Variants in DCHS2 observed in about 807,000 individuals in gnomAD.
DCHS2 encodes the protein protocadherin-23.
DCHS2 carries 142 observed loss-of-function variants against 182.4 expected under a neutral mutation model. The observed-to-expected ratio is 0.78, with a 90% CI of 0.68 to 0.89. The LOEUF is 0.89. Ranked by LOEUF, DCHS2 falls within the 40% of genes least tolerant of loss-of-function variation. DCHS2 has a pLI of 0.00. For synonymous variants in DCHS2, 1,740 were observed against 1,663.3 expected, an observed-to-expected ratio of 1.05 and a Z score of -1.12; for missense variants, 4,319 against 4,198.6, an observed-to-expected ratio of 1.03 and a Z score of -0.79.
chr4:154,437,503 C>T (rs544668252), intron 1 of DCHS2, among the ~76,000 whole-genome samples: 2 of 152,100 alleles, frequency 1.3e-5, no homozygotes, highest in Admixed American at 6.6e-5. Context: ...AAACAAAGAC[C>T]TTTGCTTATT....
Position 154,274,516 on chromosome 4 carries a change from A to G in DCHS2, c.6464-4503T>C, listed in dbSNP as rs186254356. Among the ~76,000 whole-genome samples the G allele has an allele frequency of 8.9e-4, 135 of 152,240 alleles. 5 individuals carry two copies. In the East Asian group the frequency reaches 0.024, roughly 27 times the overall value. ...TCCATGACAGCAGAGGAGATTTTCT[A>G]TATATTTGTATTGTATATGTTTTAT... On this transcript the variant is annotated intron_variant, in intron 13 of 19. Transcript: ENST00000357232.
chr4:154,387,705 C>T (rs1731483417), intron 1 of DCHS2, among the ~76,000 whole-genome samples: 1 of 152,010 alleles, frequency 6.6e-6, no homozygotes, highest in Non-Finnish European at 1.5e-5. Context: ...TACATAAAGG[C>T]TTAAACTCCA....
At position 154,304,869 on chromosome 4, in the gene DCHS2, C is replaced by T. The variant is rs28622098; in HGVS notation, c.5405G>A (p.Arg1802Gln). ...GGACAATGAAGGGAATCCCCCATCT[C>T]GTACTAGTACTGACACAGAACACAA... is the stretch of plus-strand genomic sequence containing the variant. The part of the protein sequence containing the change: ...QEVFTLRVLV[R>Q]DGGFPSLSST... The change falls in exon 12 of 20, where the codon CGA (arginine) becomes CAA (glutamine). Residue 1802 changes from arginine (R) to glutamine (Q), a missense_variant. By Grantham distance (43) the Arg-to-Gln change is conservative. Transcript: ENST00000357232. 4.2e-4 allele frequency: 672 copies of T among 1,608,874 alleles called. No individual in the cohort carries two copies. In the African/African-American group the frequency reaches 7.5e-3, roughly 18 times the overall value.
rs774154614 is a variant in DCHS2 at position 154,315,870 on chromosome 4, G to T, written c.5138C>A (p.Thr1713Asn). The T allele has an allele frequency of 6.2e-7, 1 of 1,613,994 alleles. No individual in the cohort carries two copies. Among genetic ancestry groups the T allele is most frequent in the Non-Finnish European group, 8.5e-7 (1 of 1,179,966 alleles). ...ALSSSQTLTV[T>N]VLDVNDEAPV... The stretch of plus-strand genomic sequence containing the variant: ...AGCTTCATCATTTACATCAAGAACA[G>T]TAACTGTCAAAGTCTGGGATGAAGA... Residue 1713 changes from threonine (T) to asparagine (N), a missense_variant, in exon 10 of 20, where the codon ACT (threonine) becomes AAT (asparagine). Physicochemically the swap from Thr to Asn is moderately conservative, Grantham distance 65 (BLOSUM62 0). Transcript: ENST00000357232.
intron 3 of DCHS2, among the ~76,000 whole-genome samples, chr4:154,341,197 T>C (rs1431827862): frequency 3.3e-5 from 5 of 151,844 alleles, no homozygotes; most frequent in Non-Finnish European, 5.9e-5. Context: ...TGAAACTCCG[T>C]CTCTCCTAAA....
intron 1 of DCHS2, among the ~76,000 whole-genome samples, chr4:154,401,844 A>C (rs2110873276): frequency 6.6e-6 from 1 of 152,202 alleles, no homozygotes; most frequent in East Asian, 1.9e-4. Context: ...AATACAAAAA[A>C]TTATTCTGGC....
Position 154,329,645 on chromosome 4 carries a change from C to G in DCHS2, c.3796G>C (p.Val1266Leu). 1 of 1,612,500 alleles carries G rather than the reference C, an allele frequency of 6.2e-7. No homozygotes were observed. The highest frequency in any genetic ancestry group is 8.5e-7 in the Non-Finnish European group (1 of 1,179,852). Residue 1266 changes from valine (V) to leucine (L), a missense_variant, in exon 6 of 20, where the codon GTG becomes CTG. Coordinates refer to ENST00000357232, the MANE Select transcript of DCHS2 (RefSeq NM_001358235.2). ...HRGHHEMTVL[V>L]TDRGSPPRNA... ...CGTGGTGGGGAGCCGCGGTCTGTCA[C>G]TAGCACAGTCATCTCATGGTGCCCC...
chr4:154,323,606 A>G (rs1191818585), intron 7 of DCHS2, among the ~76,000 whole-genome samples: 1 of 152,216 alleles, frequency 6.6e-6, no homozygotes. Flanking sequence ...TGAGATCCAA[A>G]ATATTCCAAA....
At chr4:154,360,340 C>T (rs552346339) in intron 3 of DCHS2, among the ~76,000 whole-genome samples, 3 of 152,204 alleles carry the variant, frequency 2.0e-5, no homozygotes, top group African/African-American at 2.4e-5. Context: ...TCTTCCTCCA[C>T]TAAATGAGGC....
intron 13 of DCHS2, among the ~76,000 whole-genome samples, chr4:154,296,185 G>A (rs1056216007): frequency 6.6e-6 from 1 of 152,140 alleles, no homozygotes; most frequent in Admixed American, 6.6e-5. Flanking sequence ...AAATGAAACC[G>A]AAGAAATAAA....
chr4:154,253,166 T>C lies in DCHS2; in HGVS notation c.6941+2353A>G, dbSNP rs112978378. ...TTAAAATAATTCCTTGCCTTGGTGA[T>C]GCTGGAGAGAGAGAGAGAGAGAGAG... On this transcript the variant is annotated intron_variant, in intron 16 of 19. Coordinates refer to ENST00000357232, the MANE Select transcript of DCHS2 (RefSeq NM_001358235.2). Among the ~76,000 whole-genome samples, 913 of 147,262 alleles carry C rather than the reference T, an allele frequency of 6.2e-3. 6 individuals are homozygous for C. The highest frequency in any genetic ancestry group is 0.023 in the African/African-American group (873 of 38,162).
intron 16 of DCHS2, among the ~76,000 whole-genome samples, chr4:154,250,325 C>T (rs754072731): frequency 1.4e-4 from 21 of 152,130 alleles, no homozygotes; most frequent in Non-Finnish European, 2.6e-4. Flanking sequence ...ATTTATCGGC[C>T]GAATCCTGAG....
intron 3 of DCHS2, among the ~76,000 whole-genome samples, chr4:154,337,851 C>G (rs1222534441): frequency 6.6e-6 from 1 of 152,088 alleles, no homozygotes; most frequent in African/African-American, 2.4e-5. Flanking sequence ...AGCGATTCTT[C>G]TGCCTCAGCC....
intron 1 of DCHS2, chr4:154,384,358 C>G: frequency 1.2e-6 from 2 of 1,611,852 alleles, no homozygotes; most frequent in Middle Eastern, 1.7e-4. Flanking sequence ...CACCACCTGA[C>G]TGACCTCACC....
chr4:154,269,234 C>G (rs527662552), intron 14 of DCHS2: 96 of 152,240 alleles, frequency 6.3e-4, no homozygotes, highest in African/African-American at 2.2e-3. Context: ...TTCCCAGGTG[C>G]ATGTAGTATA....
At chr4:154,450,775 GT>G (rs937726314) in intron 1 of DCHS2, among the ~76,000 whole-genome samples, 43 of 152,160 alleles carry the variant, frequency 2.8e-4, no homozygotes, top group African/African-American at 9.6e-4. Context: ...AGAGGTTACA[GT>G]GAGCCATTGC....
intron 13 of DCHS2, among the ~76,000 whole-genome samples, chr4:154,287,286 A>T (rs1039467923): frequency 2.0e-5 from 3 of 152,174 alleles, no homozygotes; most frequent in African/African-American, 7.2e-5. Context: ...CACTGGTAAT[A>T]GTACACAGAA....
chr4:154,441,401 C>A (rs1042967476), intron 1 of DCHS2, among the ~76,000 whole-genome samples: 4 of 152,106 alleles, frequency 2.6e-5, no homozygotes, highest in African/African-American at 9.6e-5. Context: ...TTCTTTTTCC[C>A]CAACCTTCTT....
At chr4:154,446,962 A>AATG (rs1734323503) in intron 1 of DCHS2, among the ~76,000 whole-genome samples, 1 of 82,924 alleles carries the variant, frequency 1.2e-5, no homozygotes, top group East Asian at 1.6e-3. Flanking sequence ...ATACACACGC[A>AATG]CACACACACA....
Sources: allele counts gnomAD v4.1 joint callset (sites outside exome capture counted in the v4.1 genomes callset), GRCh38; gene constraint gnomAD v4.1.1; transcripts MANE v1.5; gene names NCBI Gene and HGNC (gene_info 2026-07-23, HGNC 2026-07-21).